Variants in TMOD3 observed in about 807,000 individuals in gnomAD.
The protein encoded by TMOD3 is tropomodulin 3, also known as tropomodulin-3.
TMOD3 carries 20 observed loss-of-function variants against 39.2 expected under a neutral mutation model. The observed-to-expected ratio is 0.51, with a 90% CI of 0.36 to 0.74. The LOEUF is 0.74. Ranked by LOEUF, TMOD3 falls within the 30% of genes least tolerant of loss-of-function variation. TMOD3 has a pLI of 0.00. For synonymous variants in TMOD3, 143 were observed against 145.8 expected, an observed-to-expected ratio of 0.98 and a Z score of 0.14; for missense variants, 381 against 412.8, an observed-to-expected ratio of 0.92 and a Z score of 0.67.
intron 9 of TMOD3, chr15:51,907,431 C>T (rs2056687715): frequency 6.6e-6 from 1 of 152,128 alleles, no homozygotes; most frequent in South Asian, 2.1e-4. Context: ...AAGCAAGCAC[C>T]CAGCCTATGG....
chr15:51,879,073 T>C (rs917593979), intron 3 of TMOD3, among the ~76,000 whole-genome samples: 10 of 152,220 alleles, frequency 6.6e-5, no homozygotes, highest in Non-Finnish European at 1.3e-4. Flanking sequence ...TTAACATGGA[T>C]CACAGTATTT....
chr15:51,860,841 CAGGAGAATT>C, intron 1 of TMOD3: 2 of 369,558 alleles, frequency 5.4e-6, no homozygotes, highest in Non-Finnish European at 1.0e-5. Context: ...GAGGCTGAGA[CAGGAGAATT>C]GCTTGAACCC....
intron 3 of TMOD3, among the ~76,000 whole-genome samples, chr15:51,885,428 G>C (rs1595905407): frequency 6.6e-6 from 1 of 152,086 alleles, no homozygotes; most frequent in African/African-American, 2.4e-5. Context: ...CTAGGCAGAG[G>C]ACCCTGCGGC....
intron 1 of TMOD3, among the ~76,000 whole-genome samples, chr15:51,862,527 C>T (rs377285814): frequency 6.6e-6 from 1 of 152,252 alleles, no homozygotes; most frequent in African/African-American, 2.4e-5. Context: ...CACATAATTT[C>T]TTTCCCCCTA....
chr15:51,840,319 A>C (rs962324410), intron 1 of TMOD3, among the ~76,000 whole-genome samples: 11 of 152,224 alleles, frequency 7.2e-5, no homozygotes, highest in Admixed American at 1.3e-4. Flanking sequence ...TATAGTATGA[A>C]TAATATCTCA....
At chr15:51,833,602 A>T (rs1005188740) in intron 1 of TMOD3, among the ~76,000 whole-genome samples, 5 of 152,330 alleles carry the variant, frequency 3.3e-5, no homozygotes, top group African/African-American at 1.2e-4. Context: ...TGGACTTCAC[A>T]TAAATGGAAT....
chr15:51,882,451 A>G (rs1478557988), intron 3 of TMOD3, among the ~76,000 whole-genome samples: 2 of 152,010 alleles, frequency 1.3e-5, no homozygotes, highest in Non-Finnish European at 2.9e-5. Context: ...TGGAGCTGAG[A>G]TTGTACCACT....
intron 7 of TMOD3, among the ~76,000 whole-genome samples, chr15:51,896,831 C>T (rs1450677615): frequency 2.6e-5 from 4 of 151,980 alleles, no homozygotes; most frequent in African/African-American, 9.7e-5. Context: ...TTTGTTGTAT[C>T]AATACATAGG....
intron 1 of TMOD3, chr15:51,861,269 G>T: frequency 2.6e-6 from 1 of 390,726 alleles, no homozygotes; most frequent in East Asian, 5.8e-5. Context: ...GATCTTCTTT[G>T]TGTTCCTGAA....
intron 8 of TMOD3, chr15:51,901,247 AAAT>A (rs1275004906): frequency 6.6e-6 from 1 of 152,434 alleles, no homozygotes; most frequent in East Asian, 1.9e-4. Context: ...GGGCCACTAG[AAAT>A]AATGCTGCTG....
intron 3 of TMOD3, among the ~76,000 whole-genome samples, chr15:51,885,765 G>A (rs1260156585): frequency 6.6e-6 from 1 of 152,126 alleles, no homozygotes; most frequent in Non-Finnish European, 1.5e-5. Flanking sequence ...CGACAAAACC[G>A]CCATCGTCAT....
chr15:51,869,568 ATGATGTTAG>A (rs2056464801), intron 3 of TMOD3, among the ~76,000 whole-genome samples, 195 bp downstream of exon 3: 1 of 152,310 alleles, frequency 6.6e-6, no homozygotes, highest in Non-Finnish European at 1.5e-5. Context: ...TTTCTTCTTA[ATGATGTTAG>A]TGAGGTTTTA....
rs191283631 is a variant in TMOD3 at position 51,903,747 on chromosome 15, T to G, written c.1024+1711T>G. 1.4e-3 allele frequency among the ~76,000 whole-genome samples: 215 copies of G among 152,296 alleles called. 10 individuals are homozygous for G. Among genetic ancestry groups the G allele is most frequent in the East Asian group, 9.8e-3 (51 of 5,190 alleles). On this transcript the variant is annotated intron_variant, in intron 9 of 9. Transcript: ENST00000308580. ...TCTTAGAGTAGCGTTTTAAGAGAAC[T>G]TCATAAAGAAGTTCTAGCTGGACTT...
At chr15:51,885,284 C>CTTTTTTT (rs67378569) in intron 3 of TMOD3, among the ~76,000 whole-genome samples, 497 of 126,318 alleles carry the variant, frequency 3.9e-3, no homozygotes, top group Non-Finnish European at 5.1e-3. Context: ...TTTCTTTTTT[C>CTTTTTTT]TTTTTTTTTT....
chr15:51,905,508 A>G (rs1489902112), intron 9 of TMOD3, among the ~76,000 whole-genome samples: 1 of 152,036 alleles, frequency 6.6e-6, no homozygotes, highest in Non-Finnish European at 1.5e-5. Context: ...AGTGATATAA[A>G]TAAATTTAAG....
At chr15:51,861,122 A>G (rs537524608) in intron 1 of TMOD3, 5 of 525,410 alleles carry the variant, frequency 9.5e-6, no homozygotes, top group African/African-American at 5.8e-5. Flanking sequence ...CATGTTGAAC[A>G]TAATTGATAA....
At chr15:51,844,801 T>C (rs529001617) in intron 1 of TMOD3, among the ~76,000 whole-genome samples, 1 of 152,204 alleles carries the variant, frequency 6.6e-6, no homozygotes, top group Non-Finnish European at 1.5e-5. Context: ...AATAGAAAAT[T>C]AGCTGTATAA....
intron 3 of TMOD3, among the ~76,000 whole-genome samples, chr15:51,885,291 T>C (rs926339348): frequency 8.6e-5 from 13 of 150,788 alleles, no homozygotes; most frequent in South Asian, 4.2e-4. Context: ...TTTCTTTTTT[T>C]TTTTTTTTTT....
At chr15:51,895,940 C>G (rs1427545093) in intron 6 of TMOD3, among the ~76,000 whole-genome samples, 1 of 152,152 alleles carries the variant, frequency 6.6e-6, no homozygotes, top group East Asian at 1.9e-4. Flanking sequence ...GAAACCCCAT[C>G]TCTCCTAAAA....
Sources: allele counts gnomAD v4.1 joint callset (sites outside exome capture counted in the v4.1 genomes callset), GRCh38; gene constraint gnomAD v4.1.1; transcripts MANE v1.5; gene names NCBI Gene and HGNC (gene_info 2026-07-23, HGNC 2026-07-21).